DLGAP2: variants seen among roughly 807,000 people sequenced by gnomAD.
DLGAP2 encodes the protein disks large-associated protein 2.
In DLGAP2, 26 loss-of-function variants were observed where a neutral mutation model predicts 100.3. That is an observed-to-expected ratio of 0.26 (90% confidence interval 0.19 to 0.36). The LOEUF (loss-of-function observed/expected upper bound fraction) is 0.36, where lower values mean the gene tolerates loss of function less well. Among genes scored for constraint, DLGAP2 ranks in the 10% least tolerant of loss-of-function variants. DLGAP2 has a pLI of 1.00. For synonymous variants in DLGAP2, 886 were observed against 630.1 expected (o/e 1.41, Z -6.08); for missense variants, 1,858 against 1,453.2 (o/e 1.28, Z -4.53).
chr8:1,579,251 C>A (rs1238970647), intron 6 of DLGAP2, among the ~76,000 whole-genome samples: 2 of 152,092 alleles, frequency 1.3e-5, no homozygotes, highest in African/African-American at 4.8e-5. Context: ...AAAGATACTT[C>A]ATATCATATG....
chr8:1,312,984 G>C (rs1800647465), intron 3 of DLGAP2, among the ~76,000 whole-genome samples: 1 of 152,246 alleles, frequency 6.6e-6, no homozygotes, highest in South Asian at 2.1e-4. Context: ...TTTAAAAGTA[G>C]CAAGATGCAG....
At chr8:1,260,382 G>C (rs1387549700) in intron 3 of DLGAP2, among the ~76,000 whole-genome samples, 1 of 152,104 alleles carries the variant, frequency 6.6e-6, no homozygotes, top group Admixed American at 6.6e-5. Context: ...TAAACACATT[G>C]CATCTTGCTC....
rs376235081 is a variant in DLGAP2 at position 1,417,697 on chromosome 8, C to CGGGGAGGCCT, written c.107-83669_107-83668insGGGGAGGCCT. On this transcript the variant is annotated intron_variant, in intron 3 of 14. Coordinates refer to ENST00000637795, the MANE Select transcript of DLGAP2 (RefSeq NM_001346810.2). ...AGGCTCCAGGGGGGCACAGGGGGCCCCACTCCTGCCTCACTCGGCGAGGCT... is the reference window on the plus strand; with the variant it reads ...AGGCTCCAGGGGGGCACAGGGGGCCCGGGGAGGCCTCACTCCTGCCTCACTCGGCGAGGCT... Among the ~76,000 whole-genome samples the CGGGGAGGCCT allele has an allele frequency of 3.0e-4, 23 of 76,840 alleles. 5 individuals carry two copies. Among genetic ancestry groups the CGGGGAGGCCT allele is most frequent in the Non-Finnish European group, 3.2e-4 (10 of 31,432 alleles). The allele number at this position is 76,840 out of a possible 152,430, so 50.4% of individuals were successfully genotyped here.
intron 3 of DLGAP2, among the ~76,000 whole-genome samples, chr8:1,324,136 C>A (rs1304533178): frequency 2.0e-5 from 3 of 152,238 alleles, no homozygotes; most frequent in Non-Finnish European, 4.4e-5. Context: ...AGGAAGACGA[C>A]CCCCAAAGTC....
At chr8:943,262 G>C (rs749462548) in intron 2 of DLGAP2, among the ~76,000 whole-genome samples, 21 of 152,054 alleles carry the variant, frequency 1.4e-4, no homozygotes, top group African/African-American at 4.8e-5. Context: ...GCATTCTCAG[G>C]CTTGCTGCTT....
chr8:1,636,243 A>G (rs763296891), intron 8 of DLGAP2, among the ~76,000 whole-genome samples: 3 of 152,232 alleles, frequency 2.0e-5, no homozygotes, highest in Non-Finnish European at 4.4e-5. Flanking sequence ...AAATTAGATT[A>G]TAATGATTTT....
chr8:1,345,287 G>A (rs543018067), intron 3 of DLGAP2, among the ~76,000 whole-genome samples: 2 of 92,676 alleles, frequency 2.2e-5, no homozygotes, highest in South Asian at 7.8e-4. Flanking sequence ...TTAAGATGGA[G>A]GTTCAGTTCC....
chr8:855,383 C>A (rs10503152), intron 1 of DLGAP2, among the ~76,000 whole-genome samples: 18,912 of 152,068 alleles, frequency 0.12, 1,341 homozygotes, highest in East Asian at 0.23. Flanking sequence ...GGGACCAAAG[C>A]TGAGTGTGAG....
At chr8:873,518 T>C (rs1167317687) in intron 1 of DLGAP2, among the ~76,000 whole-genome samples, 1 of 152,210 alleles carries the variant, frequency 6.6e-6, no homozygotes, top group East Asian at 1.9e-4. Flanking sequence ...TCTAACTTAT[T>C]GCTTGTTTTT....
intron 3 of DLGAP2, among the ~76,000 whole-genome samples, chr8:1,417,423 A>C (rs1796930152): frequency 6.6e-6 from 1 of 152,074 alleles, no homozygotes; most frequent in South Asian, 2.1e-4. Flanking sequence ...GTTGAAGCAA[A>C]CCTTGTTTTT....
chr8:1,052,090 G>T (rs374924189), intron 2 of DLGAP2, among the ~76,000 whole-genome samples: 23 of 152,290 alleles, frequency 1.5e-4, no homozygotes, highest in East Asian at 1.2e-3. Flanking sequence ...CACTGACGTT[G>T]TTCTCCTGTG....
chr8:1,277,408 A>G (rs1052385456), intron 3 of DLGAP2, among the ~76,000 whole-genome samples: 33 of 152,210 alleles, frequency 2.2e-4, no homozygotes, highest in African/African-American at 7.7e-4. Flanking sequence ...AGCACGGAGA[A>G]ATACATAGAG....
chr8:1,467,307 C>G (rs1016496256), intron 3 of DLGAP2, among the ~76,000 whole-genome samples: 25 of 152,036 alleles, frequency 1.6e-4, no homozygotes, highest in African/African-American at 5.6e-4. Flanking sequence ...CCTTATGGTC[C>G]TCCTGCAGTC....
intron 3 of DLGAP2, among the ~76,000 whole-genome samples, chr8:1,313,785 G>T (rs756434855): frequency 4.2e-4 from 64 of 151,892 alleles, no homozygotes; most frequent in Admixed American, 1.6e-3. Flanking sequence ...GTCTGGGGAG[G>T]GGAGAAGGAA....
At chr8:1,657,426 A>G (rs1383539516) in intron 8 of DLGAP2, among the ~76,000 whole-genome samples, 3 of 152,248 alleles carry the variant, frequency 2.0e-5, no homozygotes, top group Non-Finnish European at 2.9e-5. Flanking sequence ...GACGATTATT[A>G]TCACCCACAC....
intron 2 of DLGAP2, among the ~76,000 whole-genome samples, chr8:1,104,590 G>A (rs994639426): frequency 1.3e-5 from 2 of 152,162 alleles, no homozygotes; most frequent in Non-Finnish European, 2.9e-5. Context: ...CCTGGCCGAG[G>A]CGTTTGCTGA....
chr8:1,212,958 G>A (rs1402291701), intron 2 of DLGAP2, among the ~76,000 whole-genome samples: 1 of 151,906 alleles, frequency 6.6e-6, no homozygotes, highest in Non-Finnish European at 1.5e-5. Context: ...TTCTTATGAG[G>A]TTTATTCTAT....
At chr8:1,385,994 A>C (rs1054494494) in intron 3 of DLGAP2, among the ~76,000 whole-genome samples, 1 of 152,256 alleles carries the variant, frequency 6.6e-6, no homozygotes, top group Non-Finnish European at 1.5e-5. Context: ...GATTGGAGCA[A>C]TTCCCAGGCA....
At chr8:1,530,783 A>C (rs570452557) in intron 4 of DLGAP2, among the ~76,000 whole-genome samples, 3 of 152,344 alleles carry the variant, frequency 2.0e-5, no homozygotes, top group Admixed American at 2.0e-4. Flanking sequence ...ACTTCCTGCA[A>C]CAGACACTCA....
Sources: allele counts gnomAD v4.1 joint callset (sites outside exome capture counted in the v4.1 genomes callset), GRCh38; gene constraint gnomAD v4.1.1; transcripts MANE v1.5; gene names NCBI Gene and HGNC (gene_info 2026-07-23, HGNC 2026-07-21).